The following TLR10 variants were observed in gnomAD, a reference collection of about 807,000 sequenced individuals.
The protein encoded by TLR10 is toll like receptor 10.
For synonymous variants in TLR10, 288 were observed against 338.8 expected, an observed-to-expected ratio of 0.85 and a Z score of 1.65; for missense variants, 929 against 932.9, an observed-to-expected ratio of 1.00 and a Z score of 0.05.
At position 38,781,016 on chromosome 4, in the gene TLR10, CAG is replaced by C. The variant is rs560060689; in HGVS notation, c.-569+1903_-569+1904del. Among the ~76,000 whole-genome samples, 17 of 152,300 alleles carry C rather than the reference CAG, an allele frequency of 1.1e-4. No individual in the cohort carries two copies. The East Asian group carries it at 2.7e-3, about 24-fold the overall frequency. ...TAGCTGGAACTCTGCGCTGAGAAGT[CAG>C]AGTTTCTATCTCTTACCCACTTCTT... On this transcript the variant is annotated intron_variant, in intron 1 of 3. Coordinates refer to ENST00000308973, the MANE Select transcript of TLR10 (RefSeq NM_030956.4).
chr4:38,781,366 G>T (rs1039226257), intron 1 of TLR10, among the ~76,000 whole-genome samples: 4 of 150,258 alleles, frequency 2.7e-5, no homozygotes, highest in Admixed American at 2.7e-4. Flanking sequence ...ATGGAGTCTC[G>T]CTCTGTTGCC....
chr4:38,781,773 C>G (rs185899286), intron 1 of TLR10, among the ~76,000 whole-genome samples: 1 of 152,232 alleles, frequency 6.6e-6, no homozygotes, highest in Admixed American at 6.5e-5. Context: ...AGATTAAGAA[C>G]CTATTGAATG....
intron 1 of TLR10, among the ~76,000 whole-genome samples, chr4:38,777,198 GA>G (rs1725106317): frequency 6.6e-6 from 1 of 152,134 alleles, no homozygotes; most frequent in Admixed American, 6.6e-5. Context: ...CTTTTTTATA[GA>G]ATGATCAAAA....
chr4:38,773,485 C>A lies in TLR10; in HGVS notation c.2106G>T (p.Gln702His). The change falls in exon 4 of 4, where the codon CAG becomes CAT. Residue 702 changes from glutamine to histidine, a missense_variant. Coordinates refer to ENST00000308973, the MANE Select transcript of TLR10 (RefSeq NM_030956.4). ...AGAATTCATAATGGCACCACTCATT[C>A]TGGACAAAGTTGGGAGACAAAACAA... ...SIFVLSPNFVQNEWCHYEFYF... is the reference protein window; with the variant it reads ...SIFVLSPNFVHNEWCHYEFYF... 6.2e-7 allele frequency: 1 copy of A among 1,612,122 alleles called. No homozygotes were observed. The highest frequency in any genetic ancestry group is 8.5e-7 in the Non-Finnish European group (1 of 1,179,282).
At position 38,774,394 on chromosome 4, in the gene TLR10, C is replaced by T; in HGVS notation, c.1197G>A (p.Leu399=). The T allele has an allele frequency of 1.2e-6, 2 of 1,613,338 alleles. No homozygotes were observed. Among genetic ancestry groups the T allele is most frequent in the African/African-American group, 1.3e-5 (1 of 74,986 alleles). The change falls in exon 4 of 4, where the codon TTG becomes TTA. Residue 399 remains leucine, a synonymous_variant. Coordinates refer to ENST00000308973, the MANE Select transcript of TLR10 (RefSeq NM_030956.4). The part of the protein sequence containing the change: ...LVSCFANNTP[L]EHLDLSQNLL... ...GATTTTGACTCAGATCCAAGTGTTC[C>T]AAGGGTGTGTTGTTAGCAAAGCAAC...
At position 38,778,270 on chromosome 4, in the gene TLR10, C is replaced by T. The variant is rs545895541; in HGVS notation, c.-568-1844G>A. Among the ~76,000 whole-genome samples, 16 of 151,814 alleles carry T rather than the reference C, an allele frequency of 1.1e-4. No homozygotes were observed. The South Asian group carries it at 1.7e-3, about 16-fold the overall frequency. Reference sequence around the variant, plus strand: ...ACAATGAGAACACATTGACACACACCGGGGCCTGTCAGGGGGTGGGGGGCT... The same window carrying T: ...ACAATGAGAACACATTGACACACACTGGGGCCTGTCAGGGGGTGGGGGGCT... On this transcript the variant is annotated intron_variant, in intron 1 of 3. Coordinates refer to ENST00000308973, the MANE Select transcript of TLR10 (RefSeq NM_030956.4).
In TLR10 at chr4:38,776,280, G is replaced by A. The variant is rs1725054669; in HGVS notation, c.-422C>T. On this transcript the variant is annotated 5_prime_UTR_variant, in exon 2 of 4. Transcript: ENST00000308973. ...ATGTTGCCAGCTTCTCCACAGATAG[G>A]CATGGTGTTAGTCATTAAAAGAAAG... 1 of 221,100 alleles carries A rather than the reference G, an allele frequency of 4.5e-6. No individual in the cohort carries two copies. Among genetic ancestry groups the A allele is most frequent in the East Asian group, 1.1e-4 (1 of 9,080 alleles). The allele number at this position is 221,100 out of a possible 1,614,324, so 13.7% of individuals were successfully genotyped here.
At position 38,773,063 on chromosome 4, in the gene TLR10, A is replaced by C. The variant is rs895391549; in HGVS notation, c.*92T>G. The C allele has an allele frequency of 8.1e-7, 1 of 1,229,516 alleles. No individual in the cohort carries two copies. Among genetic ancestry groups the C allele is most frequent in the African/African-American group, 1.6e-5 (1 of 64,384 alleles). 76.2% of individuals were successfully genotyped at this position (1,229,516 alleles called of 1,614,324 possible). On this transcript the variant is annotated 3_prime_UTR_variant, in exon 4 of 4. Coordinates refer to ENST00000308973, the MANE Select transcript of TLR10 (RefSeq NM_030956.4). ...GAAGGGAATAACCATTTTTTATTTTAATAAATATTGTCAAATTGCCATCAT... is the reference window on the plus strand; with the variant it reads ...GAAGGGAATAACCATTTTTTATTTTCATAAATATTGTCAAATTGCCATCAT...
In TLR10 at chr4:38,781,676, A is replaced by G. The variant is rs373352294; in HGVS notation, c.-569+1245T>C. 4.8e-4 allele frequency among the ~76,000 whole-genome samples: 73 copies of G among 152,366 alleles called. 1 individual carries two copies. The South Asian group carries it at 0.015, about 32-fold the overall frequency. On this transcript the variant is annotated intron_variant, in intron 1 of 3. Transcript: ENST00000308973. ...ATAATTTAAAAGTCCAAGTCAAAAG[A>G]CATCATCAAATGACAACTAGTGTTT... is the stretch of plus-strand genomic sequence containing the variant.
intron 1 of TLR10, among the ~76,000 whole-genome samples, chr4:38,781,006 G>A (rs111266793): frequency 0.035 from 5,400 of 152,224 alleles, 131 homozygotes; most frequent in African/African-American, 0.061. Flanking sequence ...GGAACTCTGC[G>A]CTGAGAAGTC....
At position 38,773,637 on chromosome 4, in the gene TLR10, A is replaced by G; in HGVS notation, c.1954T>C (p.Leu652=). The change falls in exon 4 of 4, where the codon TTG becomes CTG. Residue 652 remains leucine, a synonymous_variant. Transcript: ENST00000308973. ...EHDSLWVKNE[L]IPNLEKEDGS... is the part of the protein sequence containing the mutation. ...TCTTCCTTCTCTAGATTGGGGATCAATTCATTCTTCACCCACAGAGAATCA... is the reference window on the plus strand; with the variant it reads ...TCTTCCTTCTCTAGATTGGGGATCAGTTCATTCTTCACCCACAGAGAATCA... 3 of 1,604,752 alleles carry G rather than the reference A, an allele frequency of 1.9e-6. No homozygotes were observed. The highest frequency in any genetic ancestry group is 2.6e-6 in the Non-Finnish European group (3 of 1,175,786).
In TLR10 at chr4:38,774,589, T is replaced by A. The variant is rs374211927; in HGVS notation, c.1002A>T (p.Ser334=). The A allele has an allele frequency of 3.1e-6, 5 of 1,595,028 alleles. No homozygotes were observed. Among genetic ancestry groups the A allele is most frequent in the Non-Finnish European group, 4.3e-6 (5 of 1,174,108 alleles). Residue 334 remains serine (S), a synonymous_variant, in exon 4 of 4, where the codon TCA becomes TCT. Transcript: ENST00000308973. The part of the protein sequence containing the change: ...TKMDIENLTI[S]NAQMPHMLFP... ...AAAGCATGTGTGGCATTTGTGCATT[T>A]GATATTGTCAGGTTTTCTATGTCCA...
At position 38,772,762 on chromosome 4, in the gene TLR10, A is replaced by G. The variant is rs1214394804; in HGVS notation, c.*393T>C. On this transcript the variant is annotated 3_prime_UTR_variant, in exon 4 of 4. Coordinates refer to ENST00000308973, the MANE Select transcript of TLR10 (RefSeq NM_030956.4). ...CTCAGCCTCCCAAGTAGCTGGGACT[A>G]CAGGCGTGCACCATCACGCCCAGCT... is the stretch of plus-strand genomic sequence containing the variant. 1 of 152,618 alleles carries G rather than the reference A, an allele frequency of 6.6e-6. No homozygotes were observed. Among genetic ancestry groups the G allele is most frequent in the Non-Finnish European group, 1.5e-5 (1 of 68,498 alleles). The allele number at this position is 152,618 out of a possible 1,614,324, so 9.5% of individuals were successfully genotyped here.
At chr4:38,780,166 G>C (rs566532973) in intron 1 of TLR10, among the ~76,000 whole-genome samples, 2 of 152,294 alleles carry the variant, frequency 1.3e-5, no homozygotes, top group East Asian at 3.9e-4. Context: ...ACTTTGGGAG[G>C]CTGAGGCAGG....
chr4:38,773,704 C>T lies in TLR10; in HGVS notation c.1887G>A (p.Lys629=). The T allele has an allele frequency of 6.2e-7, 1 of 1,613,832 alleles. No homozygotes were observed. Among genetic ancestry groups the T allele is most frequent in the South Asian group, 1.1e-5 (1 of 91,012 alleles). Residue 629 remains lysine, a synonymous_variant, in exon 4 of 4, where the codon AAG becomes AAA. Transcript: ENST00000308973. ...RVRKTTQEQL[K]RNVRFHAFIS... ...TAAATGCGTGGAATCGGACATTTCT[C>T]TTGAGTTGTTCTTGGGTTGTTTTCC...
chr4:38,775,621 C>G lies in TLR10; in HGVS notation c.-31G>C. The G allele has an allele frequency of 1.3e-6, 2 of 1,543,762 alleles. No homozygotes were observed. Among genetic ancestry groups the G allele is most frequent in the South Asian group, 2.5e-5 (2 of 78,670 alleles). On this transcript the variant is annotated 5_prime_UTR_variant, in exon 4 of 4. Coordinates refer to ENST00000308973, the MANE Select transcript of TLR10 (RefSeq NM_030956.4). ...TTCCAAGGATTTTACCACTTATTTC[C>G]TCATATGAATGATGAAGATGAGCTC...
chr4:38,775,404 G>A lies in TLR10; in HGVS notation c.187C>T (p.Leu63Phe). ...ACAGAATGAAAATCTGAACTCTGGAGTTGAAAAAGGAGGTTATAGGATAAA... is the reference window on the plus strand; with the variant it reads ...ACAGAATGAAAATCTGAACTCTGGAATTGAAAAAGGAGGTTATAGGATAAA... Reference protein sequence around the residue: ...LDLSYNLLFQLQSSDFHSVSK... With the variant: ...LDLSYNLLFQFQSSDFHSVSK... The change falls in exon 4 of 4, where the codon CTC (leucine) becomes TTC (phenylalanine). Residue 63 changes from leucine to phenylalanine, a missense_variant. Physicochemically the swap from Leu to Phe is conservative, Grantham distance 22. Coordinates refer to ENST00000308973, the MANE Select transcript of TLR10 (RefSeq NM_030956.4). 6.2e-7 allele frequency: 1 copy of A among 1,614,146 alleles called. No homozygotes were observed. Among genetic ancestry groups the A allele is most frequent in the Non-Finnish European group, 8.5e-7 (1 of 1,180,016 alleles).
chr4:38,775,806 G>A lies in TLR10; in HGVS notation c.-94C>T, dbSNP rs903258644. 2.7e-5 allele frequency: 11 copies of A among 414,782 alleles called. No homozygotes were observed. The highest frequency in any genetic ancestry group is 4.2e-5 in the Non-Finnish European group (10 of 238,636). The allele number at this position is 414,782 out of a possible 1,614,324, so 25.7% of individuals were successfully genotyped here. The stretch of plus-strand genomic sequence containing the variant: ...ATTGGGTCTTCGACTTGATCTCAGA[G>A]CATTGGCTGAGAAGTCTCCAAGCTG... On this transcript the variant is annotated 5_prime_UTR_variant, in exon 3 of 4. Coordinates refer to ENST00000308973, the MANE Select transcript of TLR10 (RefSeq NM_030956.4).
intron 1 of TLR10, among the ~76,000 whole-genome samples, chr4:38,780,950 AT>A (rs925420721): frequency 1.3e-5 from 2 of 152,168 alleles, no homozygotes; most frequent in African/African-American, 4.8e-5. Context: ...TCTTAGAGCC[AT>A]GGCCCCTTAA....
Sources: allele counts gnomAD v4.1 joint callset (sites outside exome capture counted in the v4.1 genomes callset), GRCh38; gene constraint gnomAD v4.1.1; transcripts MANE v1.5; gene names NCBI Gene and HGNC (gene_info 2026-07-23, HGNC 2026-07-21).